The following TSPAN10 variants were observed in gnomAD, a reference collection of about 807,000 sequenced individuals.
TSPAN10 encodes the protein tetraspanin 10, also known as tetraspanin-10.
Under a neutral mutation model 15.0 loss-of-function variants are expected in TSPAN10, and 11 were observed. The observed-to-expected ratio is 0.73, with a 90% CI of 0.46 to 1.21. The LOEUF is 1.21. Among genes scored for constraint, TSPAN10 ranks in the 50% most tolerant of loss-of-function variants. The pLI is 0.00. For missense variants in TSPAN10, 486 were observed against 470.6 expected, an observed-to-expected ratio of 1.03 and a Z score of -0.30; for synonymous variants, 241 against 226.2, an observed-to-expected ratio of 1.07 and a Z score of -0.59.
chr17:81,648,242 C>T, exon 3 of TSPAN10: 1 of 1,236,230 alleles, frequency 8.1e-7, no homozygotes, highest in Non-Finnish European at 1.0e-6. Context: ...CGCGCTGGCC[C>T]CCAGAGCCCC....
chr17:81,647,727 G>A, intron 2 of TSPAN10, 174 bp from the exon 4 acceptor site: 1 of 683,192 alleles, frequency 1.5e-6, no homozygotes, highest in Non-Finnish European at 2.5e-6. Flanking sequence ...AGAGCCAGGT[G>A]CTGTGTGTGT....
At position 81,645,059 on chromosome 17, in the gene TSPAN10, C is replaced by T. The variant is rs186715741; in HGVS notation, c.104C>T (p.Pro35Leu). The T allele has an allele frequency of 2.5e-6, 4 of 1,586,406 alleles. No individual in the cohort carries two copies. In the African/African-American group the frequency reaches 4.1e-5, roughly 16 times the overall value. ...ACCTCAGGCTGCCTAGGTCCAGTGC[C>T]CAGGGAGGACCAGGCGGAGGCCTGG... The change falls in exon 2 of 3, where the codon CCC becomes CTC. Residue 35 changes from proline to leucine, a missense_variant. Pro to Leu is a moderately conservative substitution (Grantham distance 98). Coordinates refer to ENST00000611590, the Ensembl canonical transcript of TSPAN10.
upstream of TSPAN10, chr17:81,639,179 C>CTGGGTGGT (rs1373356825): frequency 6.8e-6 from 1 of 147,918 alleles, no homozygotes; most frequent in Admixed American, 6.8e-5. Context: ...CTCTCACAGA[C>CTGGGTGGT]TGGGTGGTGG....
chr17:81,640,927 C>T (rs1002954323), upstream of TSPAN10, among the ~76,000 whole-genome samples: 3 of 151,792 alleles, frequency 2.0e-5, no homozygotes, highest in African/African-American at 7.3e-5. Context: ...AATCCCAGCA[C>T]TTTGGGAGGA....
upstream of TSPAN10, among the ~76,000 whole-genome samples, chr17:81,640,032 G>A (rs560651003): frequency 1.6e-4 from 25 of 152,044 alleles, no homozygotes; most frequent in South Asian, 5.2e-3. Flanking sequence ...GCCGAGGCTG[G>A]AGTGCAGTGG....
Position 81,647,845 on chromosome 17 carries a change from G to C in TSPAN10, c.675-56G>C. ...GTAGGCGACATTCGCCTCTGTGCCT[G>C]GTCCCAGAAGAGCGGGCCCTCCCCG... On this transcript the variant is annotated intron_variant, in intron 2 of 2. Coordinates refer to ENST00000611590, the Ensembl canonical transcript of TSPAN10. 3.9e-6 allele frequency: 6 copies of C among 1,551,068 alleles called. No individual in the cohort carries two copies. In the Admixed American group the frequency reaches 5.7e-5, roughly 15 times the overall value.
intron 2 of TSPAN10, chr17:81,646,070 G>A (rs58371750): frequency 0.089 from 23,650 of 265,108 alleles, 1,284 homozygotes; most frequent in Middle Eastern, 0.15. Flanking sequence ...CAGGAGCTTA[G>A]TTGAGAAGCT....
downstream of TSPAN10, chr17:81,648,374 C>T (rs2036289308): frequency 1.8e-6 from 2 of 1,110,264 alleles, no homozygotes; most frequent in African/African-American, 1.6e-5. Context: ...GCGGCCTGCG[C>T]CGCCGCCGCC....
At chr17:81,648,405 C>T, downstream of TSPAN10, 2 of 1,035,852 alleles carry the variant, frequency 1.9e-6, no homozygotes, top group African/African-American at 3.4e-5. Flanking sequence ...GCTCGGGCTT[C>T]GGGTGACTTC....
chr17:81,640,421 G>C (rs1398820213), upstream of TSPAN10, among the ~76,000 whole-genome samples: 1 of 151,924 alleles, frequency 6.6e-6, no homozygotes, highest in African/African-American at 2.4e-5. Flanking sequence ...TTTCTTGTAA[G>C]GATGTTGGAT....
chr17:81,642,363 C>T (rs543859014), upstream of TSPAN10: 10 of 1,610,736 alleles, frequency 6.2e-6, no homozygotes, highest in African/African-American at 2.7e-5. Context: ...GAGGAGCCAG[C>T]GAACCTCTCC....
chr17:81,647,443 T>C (rs1228206202), intron 2 of TSPAN10: 1 of 461,032 alleles, frequency 2.2e-6, no homozygotes, highest in East Asian at 6.8e-5. Context: ...ACCCCTGCTT[T>C]CTGTCACTGC....
chr17:81,640,572 C>A (rs1477809708), upstream of TSPAN10, among the ~76,000 whole-genome samples: 1 of 152,132 alleles, frequency 6.6e-6, no homozygotes, highest in Non-Finnish European at 1.5e-5. Flanking sequence ...CCTCAGCCTC[C>A]CATGTAGCTG....
chr17:81,644,500 G>C (rs907590708), intron 1 of TSPAN10, among the ~76,000 whole-genome samples: 1 of 152,224 alleles, frequency 6.6e-6, no homozygotes, highest in Non-Finnish European at 1.5e-5. Flanking sequence ...GCCAGCCCCT[G>C]TGGCTGGTGA....
chr17:81,638,699 G>C (rs1454973577), upstream of TSPAN10: 1 of 152,286 alleles, frequency 6.6e-6, no homozygotes, highest in Admixed American at 6.6e-5. Flanking sequence ...AGTCAAAACT[G>C]TCCTCTTGTG....
upstream of TSPAN10, chr17:81,637,534 C>T (rs1176124866): frequency 2.3e-5 from 14 of 610,248 alleles, no homozygotes; most frequent in Admixed American, 5.0e-5. Flanking sequence ...CGCGGTGGCT[C>T]ATACCTGTAA....
At chr17:81,648,287 G>C in exon 3 of TSPAN10, 1 of 1,208,442 alleles carries the variant, frequency 8.3e-7, no homozygotes, top group Non-Finnish European at 1.0e-6. Flanking sequence ...AAGCCCGCCC[G>C]GGGCTGAGCG....
In TSPAN10 at chr17:81,647,936, G is replaced by A. The variant is rs189646996; in HGVS notation, c.710G>A (p.Cys237Tyr). The A allele has an allele frequency of 1.2e-3, 1,911 of 1,608,462 alleles. 2 individuals carry two copies. Among genetic ancestry groups the A allele is most frequent in the Non-Finnish European group, 1.5e-3 (1,740 of 1,179,084 alleles). Residue 237 changes from cysteine to tyrosine, a missense_variant, in exon 3 of 3, where the codon TGC (cysteine) becomes TAC (tyrosine). Transcript: ENST00000611590. Reference sequence around the variant, plus strand: ...TGCAGCTCCCCCGGGGTGCAGGCCTGCAGCCTTCCCGCCTCCTGCTGCATC... The same window carrying A: ...TGCAGCTCCCCCGGGGTGCAGGCCTACAGCCTTCCCGCCTCCTGCTGCATC...
exon 3 of TSPAN10, chr17:81,648,237 T>G (rs2036286423): frequency 2.4e-6 from 3 of 1,252,868 alleles, no homozygotes; most frequent in Admixed American, 8.6e-5. Context: ...AGGACCGCGC[T>G]GGCCCCCAGA....
Sources: gnomAD v4.1 joint callset for allele counts (sites outside exome capture counted in the v4.1 genomes callset) on GRCh38, gnomAD v4.1.1 for gene constraint, MANE v1.5 for transcripts, NCBI Gene and HGNC (gene_info 2026-07-23, HGNC 2026-07-21) for gene names.